Variants in KIF3A observed in about 807,000 individuals in gnomAD.
The protein encoded by KIF3A is kinesin-like protein KIF3A.
In KIF3A, 27 loss-of-function variants were observed where a neutral mutation model predicts 92.6. The observed-to-expected ratio is 0.29, with a 90% CI of 0.21 to 0.40. The LOEUF is 0.40. KIF3A is among the 10% of genes least tolerant of loss of function. The probability of loss-of-function intolerance (pLI) is 1.00; values close to 1 mark genes in which losing one functional copy is unlikely to be tolerated. For missense variants in KIF3A, 581 were observed against 872.6 expected, an observed-to-expected ratio of 0.67 and a Z score of 4.21; for synonymous variants, 250 against 275.4, an observed-to-expected ratio of 0.91 and a Z score of 0.92.
At chr5:132,690,362 G>A (rs538464195), downstream of KIF3A, among the ~76,000 whole-genome samples, 33 of 152,264 alleles carry the variant, frequency 2.2e-4, no homozygotes, top group Middle Eastern at 3.4e-3. Flanking sequence ...CTGCACTCAC[G>A]CCTGGGCAAT....
At chr5:132,699,725 A>AT (rs1311048469) in intron 17 of KIF3A, among the ~76,000 whole-genome samples, 2 of 150,930 alleles carry the variant, frequency 1.3e-5, no homozygotes, top group African/African-American at 2.4e-5. Context: ...CGCCCGGCTA[A>AT]TTTTTTTTGT....
intron 13 of KIF3A, 47 bp from the exon 14 acceptor site, chr5:132,702,715 C>A: frequency 1.4e-6 from 2 of 1,412,938 alleles, no homozygotes; most frequent in South Asian, 2.4e-5. Flanking sequence ...TTTGTAAAAT[C>A]AAATATCTAA....
intron 2 of KIF3A, among the ~76,000 whole-genome samples, chr5:132,728,843 G>A (rs1754129580): frequency 6.6e-6 from 1 of 152,088 alleles, no homozygotes; most frequent in South Asian, 2.1e-4. Flanking sequence ...AGGCTGAGGT[G>A]GGAGAATCAC....
At chr5:132,736,771 C>A (rs771806051) in intron 1 of KIF3A, 1 of 467,572 alleles carries the variant, frequency 2.1e-6, no homozygotes, top group South Asian at 1.6e-5. Flanking sequence ...ACTAAATAAG[C>A]GGCCATGGCT....
At chr5:132,697,240 T>C (rs1406585305) in intron 18 of KIF3A, among the ~76,000 whole-genome samples, 1 of 152,222 alleles carries the variant, frequency 6.6e-6, no homozygotes, top group Admixed American at 6.5e-5. Flanking sequence ...TGCATGTATT[T>C]GTCCATGTTT....
At chr5:132,737,209 C>T (rs1343153085) in intron 1 of KIF3A, among the ~76,000 whole-genome samples, 2 of 152,238 alleles carry the variant, frequency 1.3e-5, no homozygotes, top group African/African-American at 2.4e-5. Flanking sequence ...CAGGGCCTGA[C>T]CCCAGGTCCC....
chr5:132,708,417 T>C (rs1427436821), intron 10 of KIF3A, among the ~76,000 whole-genome samples: 2 of 152,196 alleles, frequency 1.3e-5, no homozygotes, highest in Non-Finnish European at 2.9e-5. Context: ...TTTTCTTTAT[T>C]TGGGAGCCTT....
intron 5 of KIF3A, among the ~76,000 whole-genome samples, chr5:132,718,609 T>C (rs1290672191): frequency 3.5e-5 from 5 of 144,266 alleles, no homozygotes; most frequent in East Asian, 2.1e-4. Context: ...CACACTCAGC[T>C]TGTTGTTTTT....
intron 2 of KIF3A, among the ~76,000 whole-genome samples, chr5:132,728,745 C>CAATAAATAAATAAATA (rs3048989): frequency 0.016 from 2,345 of 149,670 alleles, 61 homozygotes; most frequent in African/African-American, 0.051. Context: ...TCAAAAAATA[C>CAATAAATAAATAAATA]AATAAATAAA....
intron 10 of KIF3A, among the ~76,000 whole-genome samples, chr5:132,707,996 AAAATC>A (rs1753276724): frequency 6.6e-6 from 1 of 152,216 alleles, no homozygotes; most frequent in Non-Finnish European, 1.5e-5. Flanking sequence ...AAAATCTCTT[AAAATC>A]AGCCGGGCGC....
chr5:132,700,593 G>A (rs1045834207), intron 16 of KIF3A, 54 bp downstream of exon 16: 1 of 1,223,208 alleles, frequency 8.2e-7, no homozygotes, highest in South Asian at 1.2e-5. Flanking sequence ...ACAATTTCTA[G>A]ACCATAGGAA....
At chr5:132,735,463 T>C (rs1469756807) in intron 1 of KIF3A, among the ~76,000 whole-genome samples, 1 of 152,206 alleles carries the variant, frequency 6.6e-6, no homozygotes, top group East Asian at 1.9e-4. Context: ...CAGATACTTG[T>C]TAAATTCCTA....
chr5:132,730,225 G>C (rs552252528), intron 2 of KIF3A, among the ~76,000 whole-genome samples: 1 of 152,076 alleles, frequency 6.6e-6, no homozygotes, highest in African/African-American at 2.4e-5. Flanking sequence ...CCAGCACTCC[G>C]GGAGGCCAAG....
chr5:132,715,639 T>C, intron 8 of KIF3A, 118 bp downstream of exon 8: 2 of 655,334 alleles, frequency 3.1e-6, no homozygotes, highest in South Asian at 4.1e-5. Flanking sequence ...AATATTCATT[T>C]AACTACCAAT....
At chr5:132,737,293 C>A in intron 1 of KIF3A, 121 bp downstream of exon 1, 1 of 1,153,272 alleles carries the variant, frequency 8.7e-7, no homozygotes, top group Non-Finnish European at 1.2e-6. Context: ...ACCGCACGAC[C>A]GAGCCTGCCC....
rs551217772 is a variant in KIF3A, at chr5:132,727,827, C to G, written c.281-1329G>C. On this transcript the variant is annotated intron_variant, in intron 2 of 18. Coordinates refer to ENST00000403231, the MANE Select transcript of KIF3A (RefSeq NM_001300791.2). Reference sequence around the variant, plus strand: ...GACACAGTGTAGTAAGAAAAGATAGCCTTGGATGTGATGGCATATATGAAA... The same window carrying G: ...GACACAGTGTAGTAAGAAAAGATAGGCTTGGATGTGATGGCATATATGAAA... Among the ~76,000 whole-genome samples the G allele has an allele frequency of 1.6e-4, 25 of 152,204 alleles. No individual in the cohort carries two copies. In the South Asian group the frequency reaches 5.0e-3, roughly 30 times the overall value.
intron 4 of KIF3A, among the ~76,000 whole-genome samples, chr5:132,722,493 T>C (rs992451939): frequency 7.2e-5 from 11 of 152,150 alleles, no homozygotes; most frequent in African/African-American, 2.4e-4. Flanking sequence ...GGACCAGGAA[T>C]ACTAAACATC....
In KIF3A at chr5:132,720,834, G is replaced by A. The variant is rs142752151; in HGVS notation, c.511-120C>T. ...GGAATATACTGATAAGATAGACACT[G>A]TTCCTACACGCATGGAGATGTCTAT... On this transcript the variant is annotated intron_variant, in intron 4 of 18. Transcript: ENST00000403231. The A allele has an allele frequency of 3.5e-3, 1,953 of 560,246 alleles. 11 individuals are homozygous for A. The highest frequency in any genetic ancestry group is 5.1e-3 in the Non-Finnish European group (1,603 of 316,144). 34.7% of individuals were successfully genotyped at this position (560,246 alleles called of 1,614,324 possible). A position where few individuals can be genotyped will look rare whatever the true frequency, so the allele number is the denominator to read the frequency against.
At chr5:132,717,770 A>G (rs1276345780) in intron 5 of KIF3A, among the ~76,000 whole-genome samples, 1 of 152,144 alleles carries the variant, frequency 6.6e-6, no homozygotes, top group African/African-American at 2.4e-5. Flanking sequence ...AAGTATTTTA[A>G]AGTTAATTTT....
Sources: gnomAD v4.1 joint callset for allele counts (sites outside exome capture counted in the v4.1 genomes callset) on GRCh38, gnomAD v4.1.1 for gene constraint, MANE v1.5 for transcripts, NCBI Gene and HGNC (gene_info 2026-07-23, HGNC 2026-07-21) for gene names.